ALK: variants seen among roughly 807,000 people sequenced by gnomAD.
ALK encodes ALK receptor tyrosine kinase.
Under a neutral mutation model 163.1 loss-of-function variants are expected in ALK, and 74 were observed. The observed-to-expected ratio is 0.45, with a 90% CI of 0.38 to 0.55. ALK has a LOEUF of 0.55. Ranked by LOEUF, ALK falls within the 20% of genes least tolerant of loss-of-function variation. The pLI, the probability that ALK is intolerant of heterozygous loss-of-function variation, is 0.00. For synonymous variants in ALK, 960 were observed against 843.2 expected, an observed-to-expected ratio of 1.14 and a Z score of -2.40; for missense variants, 2,063 against 2,105.3, an observed-to-expected ratio of 0.98 and a Z score of 0.39.
At chr2:29,729,904 T>A (rs1380480215) in intron 1 of ALK, among the ~76,000 whole-genome samples, 3 of 152,230 alleles carry the variant, frequency 2.0e-5, no homozygotes, top group Admixed American at 6.5e-5. Flanking sequence ...AACATTTTAT[T>A]GCATATTGGT....
chr2:29,531,942 A>C lies in ALK; in HGVS notation c.1127T>G (p.Leu376Arg), dbSNP rs966612700. 3.1e-6 allele frequency: 5 copies of C among 1,614,020 alleles called. No homozygotes were observed. The highest frequency in any genetic ancestry group is 4.2e-6 in the Non-Finnish European group (5 of 1,180,012). The part of the protein sequence containing the change: ...LPHNEAAREI[L>R]LMPTPGKHGW... ...ATGCTTCCCTGGAGTGGGCATCAGG[A>C]GGATCTCTCTTGCAGCCTCGTTGTG... Residue 376 changes from leucine to arginine, a missense_variant, in exon 4 of 29, where the codon CTC becomes CGC. Leu to Arg is a moderately radical substitution (Grantham distance 102). Coordinates refer to ENST00000389048, the MANE Select transcript of ALK (RefSeq NM_004304.5).
intron 8 of ALK, among the ~76,000 whole-genome samples, chr2:29,299,957 T>C (rs1433861962): frequency 6.6e-6 from 1 of 152,198 alleles, no homozygotes; most frequent in Non-Finnish European, 1.5e-5. Context: ...CACGGTGGAT[T>C]AGTGTCTGTC....
intron 3 of ALK, among the ~76,000 whole-genome samples, chr2:29,562,385 C>A (rs954782044): frequency 2.0e-5 from 3 of 152,190 alleles, no homozygotes; most frequent in African/African-American, 7.2e-5. Flanking sequence ...CACTATACAT[C>A]CCATTTCCTT....
intron 3 of ALK, among the ~76,000 whole-genome samples, chr2:29,567,248 G>C (rs1674218576): frequency 6.6e-6 from 1 of 152,200 alleles, no homozygotes; most frequent in African/African-American, 2.4e-5. Flanking sequence ...GCAGCATTTA[G>C]GATTTGATAG....
At chr2:29,374,877 T>TA (rs1238007010) in intron 5 of ALK, among the ~76,000 whole-genome samples, 1 of 152,184 alleles carries the variant, frequency 6.6e-6, no homozygotes, top group Non-Finnish European at 1.5e-5. Context: ...AGATAGGCAC[T>TA]AGAACTAAGT....
chr2:29,883,337 T>C (rs889814066), intron 1 of ALK, among the ~76,000 whole-genome samples: 3 of 152,214 alleles, frequency 2.0e-5, no homozygotes, highest in African/African-American at 7.2e-5. Flanking sequence ...TTCCTTTAAG[T>C]ATCCTACTGC....
At chr2:29,871,895 C>A (rs148855926) in intron 1 of ALK, among the ~76,000 whole-genome samples, 518 of 152,270 alleles carry the variant, frequency 3.4e-3, no homozygotes, top group African/African-American at 0.012. Flanking sequence ...ATTACCTGCC[C>A]GATCAGGTGA....
At chr2:29,567,263 T>C (rs1674218767) in intron 3 of ALK, among the ~76,000 whole-genome samples, 3 of 152,194 alleles carry the variant, frequency 2.0e-5, no homozygotes. Flanking sequence ...TGATAGATAC[T>C]CCATCCTTGT....
At chr2:29,482,016 C>A (rs1671672722) in intron 4 of ALK, among the ~76,000 whole-genome samples, 1 of 152,158 alleles carries the variant, frequency 6.6e-6, no homozygotes, top group African/African-American at 2.4e-5. Context: ...CTAATCAAAC[C>A]AGTTGTGGCT....
At chr2:29,872,062 C>G (rs1295650235) in intron 1 of ALK, among the ~76,000 whole-genome samples, 1 of 152,198 alleles carries the variant, frequency 6.6e-6, no homozygotes, top group African/African-American at 2.4e-5. Context: ...CACTGACCCA[C>G]AGATCCAAGC....
At chr2:29,573,614 A>G (rs1031952537) in intron 3 of ALK, among the ~76,000 whole-genome samples, 1 of 152,192 alleles carries the variant, frequency 6.6e-6, no homozygotes, top group Non-Finnish European at 1.5e-5. Context: ...GCCCATTCAT[A>G]CACGTATCAT....
chr2:29,767,905 T>C (rs1329132638), intron 1 of ALK, among the ~76,000 whole-genome samples: 1 of 152,226 alleles, frequency 6.6e-6, no homozygotes, highest in Non-Finnish European at 1.5e-5. Flanking sequence ...GTTTGTCTTC[T>C]AGCCCCAGTC....
At chr2:29,488,160 C>A (rs532206998) in intron 4 of ALK, among the ~76,000 whole-genome samples, 1 of 152,144 alleles carries the variant, frequency 6.6e-6, no homozygotes, top group African/African-American at 2.4e-5. Flanking sequence ...GGACAAAGCA[C>A]GTGCTATTTA....
chr2:29,462,118 A>T (rs1671098647), intron 4 of ALK, among the ~76,000 whole-genome samples: 1 of 152,196 alleles, frequency 6.6e-6, no homozygotes, highest in South Asian at 2.1e-4. Context: ...CAATCTCATG[A>T]TAAAATTTGA....
At chr2:29,360,494 C>A (rs186925054) in intron 5 of ALK, among the ~76,000 whole-genome samples, 1 of 152,174 alleles carries the variant, frequency 6.6e-6, no homozygotes, top group South Asian at 2.1e-4. Flanking sequence ...GTCCTGCCCA[C>A]GATGGATTCT....
intron 6 of ALK, among the ~76,000 whole-genome samples, chr2:29,325,281 A>T (rs965400464): frequency 6.6e-6 from 1 of 152,230 alleles, no homozygotes; most frequent in African/African-American, 2.4e-5. Context: ...GACCACCTGG[A>T]AAGAGCTGGT....
At chr2:29,579,260 C>T (rs1674609208) in intron 3 of ALK, among the ~76,000 whole-genome samples, 1 of 152,210 alleles carries the variant, frequency 6.6e-6, no homozygotes, top group African/African-American at 2.4e-5. Context: ...TGGTTTATGC[C>T]TAAGTTCCGT....
chr2:29,288,958 ATAAATAAATAAAT>A (rs1665938988), intron 9 of ALK, among the ~76,000 whole-genome samples: 3 of 112,912 alleles, frequency 2.7e-5, no homozygotes, highest in Non-Finnish European at 5.3e-5. Context: ...TCTCAAAAAA[ATAAATAAATAAAT>A]AAATAAATAA....
intron 4 of ALK, among the ~76,000 whole-genome samples, chr2:29,480,131 A>C (rs1370207955): frequency 1.3e-5 from 2 of 152,244 alleles, no homozygotes; most frequent in Non-Finnish European, 2.9e-5. Context: ...AGAGATATAC[A>C]GTGTGATAAA....
Sources: gnomAD v4.1 joint callset for allele counts (sites outside exome capture counted in the v4.1 genomes callset) on GRCh38, gnomAD v4.1.1 for gene constraint, MANE v1.5 for transcripts, NCBI Gene and HGNC (gene_info 2026-07-23, HGNC 2026-07-21) for gene names.